The following ATP10A variants were observed in gnomAD, a reference collection of about 807,000 sequenced individuals.
ATP10A encodes the protein phospholipid-transporting ATPase VA.
In ATP10A, 111 loss-of-function variants were observed where a neutral mutation model predicts 147.8. The ratio of observed to expected loss-of-function variants is 0.75; its 90% CI spans 0.64 to 0.88. The LOEUF (loss-of-function observed/expected upper bound fraction) is 0.88. Among genes scored for constraint, ATP10A ranks in the 40% least tolerant of loss-of-function variants. The pLI, the probability that ATP10A is intolerant of heterozygous loss-of-function variation, is 0.00. For missense variants in ATP10A, 1,927 were observed against 1,959.0 expected, an observed-to-expected ratio of 0.98 and a Z score of 0.31; for synonymous variants, 875 against 841.6, an observed-to-expected ratio of 1.04 and a Z score of -0.69.
chr15:25,818,463 G>T (rs1039859192), intron 1 of ATP10A, among the ~76,000 whole-genome samples: 3 of 152,044 alleles, frequency 2.0e-5, no homozygotes, highest in Non-Finnish European at 4.4e-5. Context: ...ACACAAACAT[G>T]GAAAACATTC....
At chr15:25,752,188 T>A (rs1173569977) in intron 2 of ATP10A, among the ~76,000 whole-genome samples, 3 of 152,158 alleles carry the variant, frequency 2.0e-5, no homozygotes, top group African/African-American at 7.2e-5. Flanking sequence ...TGAAATCAGT[T>A]TGCCAAAGAG....
At chr15:25,673,269 G>A (rs947668320), downstream of ATP10A, among the ~76,000 whole-genome samples, 7 of 152,306 alleles carry the variant, frequency 4.6e-5, no homozygotes, top group East Asian at 5.8e-4. Flanking sequence ...GGGCAGGGGC[G>A]GAGGAGGCCC....
chr15:25,816,938 C>T (rs74617639), intron 1 of ATP10A, among the ~76,000 whole-genome samples: 3,726 of 151,478 alleles, frequency 0.025, 67 homozygotes, highest in East Asian at 0.041. Flanking sequence ...TGGCTATAAA[C>T]GGTGTGGGCC....
rs183763138 is a variant in ATP10A at position 25,842,390 on chromosome 15, C to T, written c.449+20258G>A. Among the ~76,000 whole-genome samples, 28 of 152,268 alleles carry T rather than the reference C, an allele frequency of 1.8e-4. No individual in the cohort carries two copies. In the East Asian group the frequency reaches 4.3e-3, roughly 23 times the overall value. On this transcript the variant is annotated intron_variant, in intron 1 of 20. Transcript: ENST00000555815. ...TGTCCTGAGGCCCCAGTCAGTCTGC[C>T]TGCTTTTAGTTTCCAGCGTCCTTTT...
rs1443805813 is a variant in ATP10A at position 25,732,444 on chromosome 15, C to A, written c.740+3612G>T. ...ACCCTAAAAATAAACCCTAGACCCA[C>A]GGGCAGTCACTTCCCATTCCTATCT... On this transcript the variant is annotated intron_variant, in intron 3 of 20. Coordinates refer to ENST00000555815, the MANE Select transcript of ATP10A (RefSeq NM_024490.4). Among the ~76,000 whole-genome samples, 3 of 152,148 alleles carry A rather than the reference C, an allele frequency of 2.0e-5. No homozygotes were observed. In the East Asian group the frequency reaches 5.8e-4, roughly 29 times the overall value.
chr15:25,718,024 G>A (rs1901927625), intron 8 of ATP10A, among the ~76,000 whole-genome samples, 158 bp downstream of exon 8: 1 of 152,228 alleles, frequency 6.6e-6, no homozygotes, highest in African/African-American at 2.4e-5. Context: ...CGACAGTGGA[G>A]AGAAAGTGTT....
intron 1 of ATP10A, among the ~76,000 whole-genome samples, chr15:25,854,398 C>T (rs1893419891): frequency 6.6e-6 from 1 of 152,172 alleles, no homozygotes; most frequent in Admixed American, 6.5e-5. Context: ...AACAGCTGTT[C>T]TAAGAATTCT....
intron 8 of ATP10A, 50 bp from the exon 9 acceptor site, chr15:25,716,974 G>T (rs750567893): frequency 1.4e-6 from 2 of 1,438,126 alleles, no homozygotes; most frequent in East Asian, 2.5e-5. Context: ...GCCTGCCGAG[G>T]ATCTTGGGGC....
At chr15:25,790,532 CAG>C (rs765572959) in intron 1 of ATP10A, among the ~76,000 whole-genome samples, 5 of 152,200 alleles carry the variant, frequency 3.3e-5, no homozygotes, top group Non-Finnish European at 5.9e-5. Flanking sequence ...AGAAAGGATG[CAG>C]AGTCTCTCAG....
chr15:25,782,070 G>T (rs1017105957), intron 1 of ATP10A, among the ~76,000 whole-genome samples: 1 of 152,210 alleles, frequency 6.6e-6, no homozygotes, highest in Non-Finnish European at 1.5e-5. Context: ...TCCATGAACA[G>T]GTGAATAATA....
intron 15 of ATP10A, among the ~76,000 whole-genome samples, chr15:25,688,162 T>C (rs1899802989): frequency 6.6e-6 from 1 of 152,234 alleles, no homozygotes; most frequent in South Asian, 2.1e-4. Flanking sequence ...ACATGGTGTT[T>C]ATCTGCCTTT....
intron 13 of ATP10A, 86 bp from the exon 14 acceptor site, chr15:25,695,232 C>T: frequency 7.6e-7 from 1 of 1,313,068 alleles, no homozygotes; most frequent in South Asian, 1.4e-5. Flanking sequence ...CTGGAGCTGA[C>T]ATCCTTCCGG....
chr15:25,683,472 G>A lies in ATP10A; in HGVS notation c.3306C>T (p.Leu1102=). 6.2e-7 allele frequency: 1 copy of A among 1,613,240 alleles called. No homozygotes were observed. The highest frequency in any genetic ancestry group is 8.5e-7 in the Non-Finnish European group (1 of 1,179,582). The change falls in exon 17 of 21, where the codon CTC becomes CTT. Residue 1102 remains leucine, a synonymous_variant. Transcript: ENST00000555815. ...CACAGAAAAACTGGAACCAAAACAGGAGGCCCACGAACATCTGAAATCAAG... is the reference window on the plus strand; with the variant it reads ...CACAGAAAAACTGGAACCAAAACAGAAGGCCCACGAACATCTGAAATCAAG... ...FFYKNTMFVG[L]LFWFQFFCGF...
chr15:25,766,575 G>A (rs1889032750), intron 2 of ATP10A, among the ~76,000 whole-genome samples: 1 of 151,394 alleles, frequency 6.6e-6, no homozygotes. Context: ...AGGAGGGCAG[G>A]AAGCTCCACC....
chr15:25,751,884 T>C (rs565494965), intron 2 of ATP10A, among the ~76,000 whole-genome samples: 1 of 152,148 alleles, frequency 6.6e-6, no homozygotes, highest in East Asian at 1.9e-4. Flanking sequence ...GAAGAAGACA[T>C]ACAAATGGCC....
At chr15:25,761,677 CT>C (rs1484525537) in intron 2 of ATP10A, among the ~76,000 whole-genome samples, 1 of 152,240 alleles carries the variant, frequency 6.6e-6, no homozygotes, top group Non-Finnish European at 1.5e-5. Context: ...GGATTTTGGA[CT>C]TGCATGGGGC....
At chr15:25,844,846 C>T (rs1892948664) in intron 1 of ATP10A, among the ~76,000 whole-genome samples, 2 of 152,218 alleles carry the variant, frequency 1.3e-5, no homozygotes, top group African/African-American at 4.8e-5. Flanking sequence ...CAGCCTGCAC[C>T]GGCACATGAG....
chr15:25,717,873 G>A (rs1216999658), intron 8 of ATP10A, among the ~76,000 whole-genome samples: 1 of 152,144 alleles, frequency 6.6e-6, no homozygotes, highest in East Asian at 1.9e-4. Context: ...GCTTTTTAGC[G>A]GTTGTCATCT....
At chr15:25,753,653 G>A (rs569159815) in intron 2 of ATP10A, among the ~76,000 whole-genome samples, 1 of 151,764 alleles carries the variant, frequency 6.6e-6, no homozygotes, top group African/African-American at 2.4e-5. Flanking sequence ...AAGCTCCCAA[G>A]AATATGGCTG....
Sources: allele counts gnomAD v4.1 joint callset (sites outside exome capture counted in the v4.1 genomes callset), GRCh38; gene constraint gnomAD v4.1.1; transcripts MANE v1.5; gene names NCBI Gene and HGNC (gene_info 2026-07-23, HGNC 2026-07-21).